XRRA1: variants seen among roughly 807,000 people sequenced by gnomAD.
XRRA1 encodes the protein X-ray radiation resistance associated 1, also known as X-ray radiation resistance-associated protein 1.
In XRRA1, 69 loss-of-function variants were observed where a neutral mutation model predicts 80.2. The ratio of observed to expected loss-of-function variants is 0.86; its 90% confidence interval spans 0.71 to 1.05. The LOEUF is 1.05. Among genes scored for constraint, XRRA1 ranks in the 50% least tolerant of loss-of-function variants. The probability of loss-of-function intolerance (pLI) is 0.00; values close to 1 mark genes in which losing one functional copy is unlikely to be tolerated. For synonymous variants in XRRA1, 348 were observed against 389.9 expected (o/e 0.89, Z 1.27); for missense variants, 967 against 976.4 (o/e 0.99, Z 0.13).
chr11:74,909,182 G>A (rs1246015066), intron 8 of XRRA1, among the ~76,000 whole-genome samples: 1 of 152,166 alleles, frequency 6.6e-6, no homozygotes, highest in East Asian at 1.9e-4. Flanking sequence ...AAGAGACCTG[G>A]CAGCACTGTA....
At chr11:74,844,922 C>T in intron 16 of XRRA1, 151 bp downstream of exon 16, 3 of 735,602 alleles carry the variant, frequency 4.1e-6, no homozygotes, top group Non-Finnish European at 6.7e-6. Flanking sequence ...ACAAAGGACA[C>T]CCTAAAAGGA....
At chr11:74,897,039 CA>C (rs2052488026) in intron 10 of XRRA1, among the ~76,000 whole-genome samples, 1 of 151,998 alleles carries the variant, frequency 6.6e-6, no homozygotes. Context: ...CACCAGGGAC[CA>C]ATCCTGGAGA....
intron 10 of XRRA1, chr11:74,876,966 G>T (rs2046178596): frequency 6.6e-6 from 1 of 152,114 alleles, no homozygotes. Context: ...GACTCCCAAA[G>T]GGAAATTCTT....
At chr11:74,858,842 A>G (rs185410620) in intron 12 of XRRA1, among the ~76,000 whole-genome samples, 29 of 152,286 alleles carry the variant, frequency 1.9e-4, no homozygotes, top group African/African-American at 6.3e-4. Flanking sequence ...TGATTTGTCC[A>G]TATCAGTCTT....
chr11:74,852,137 A>C (rs939295810), intron 12 of XRRA1, 55 bp from the exon 13 acceptor site: 20 of 1,421,448 alleles, frequency 1.4e-5, no homozygotes, highest in Non-Finnish European at 1.9e-5. Context: ...ACCTCTACCC[A>C]GGTATGTCTA....
chr11:74,921,920 G>C (rs1565410296), intron 7 of XRRA1, among the ~76,000 whole-genome samples: 1 of 152,142 alleles, frequency 6.6e-6, no homozygotes, highest in Non-Finnish European at 1.5e-5. Flanking sequence ...CTGTATCCTT[G>C]TAAGTTAGCA....
intron 10 of XRRA1, among the ~76,000 whole-genome samples, chr11:74,896,020 A>G (rs759451196): frequency 6.6e-6 from 1 of 152,224 alleles, no homozygotes; most frequent in Non-Finnish European, 1.5e-5. Flanking sequence ...AACCAGCAGC[A>G]ATACTGAGGG....
intron 10 of XRRA1, among the ~76,000 whole-genome samples, chr11:74,895,191 A>G (rs562212121): frequency 2.0e-5 from 3 of 152,354 alleles, no homozygotes; most frequent in South Asian, 2.1e-4. Flanking sequence ...TAAATCATCA[A>G]TGCCACTCCT....
rs1465409921 is a variant in XRRA1 at position 74,841,185 on chromosome 11, G to A, written c.*2015C>T. The A allele has an allele frequency of 6.6e-6, 1 of 152,140 alleles. No homozygotes were observed. Among genetic ancestry groups the A allele is most frequent in the African/African-American group, 2.4e-5 (1 of 41,424 alleles). The allele number at this position is 152,140 out of a possible 1,614,324, so 9.4% of individuals were successfully genotyped here. A position where few individuals can be genotyped will look rare whatever the true frequency, so the allele number is the denominator to read the frequency against. On this transcript the variant is annotated 3_prime_UTR_variant, in exon 19 of 19. Transcript: ENST00000684022. ...CTTTAAAAATTGGAAACTCATTATG[G>A]TCTTAAATTGTCCTCAGGCAGCCTT...
At chr11:74,872,731 C>A (rs1244925657) in intron 10 of XRRA1, among the ~76,000 whole-genome samples, 1 of 152,120 alleles carries the variant, frequency 6.6e-6, no homozygotes, top group Non-Finnish European at 1.5e-5. Context: ...GGGGTTCAGA[C>A]CCCTGGCTCC....
chr11:74,887,715 C>T (rs1018754701), intron 10 of XRRA1, among the ~76,000 whole-genome samples: 5 of 152,184 alleles, frequency 3.3e-5, no homozygotes, highest in African/African-American at 1.2e-4. Context: ...AATCGGGTCA[C>T]TCCCACCCTA....
chr11:74,940,759 G>C, intron 3 of XRRA1, 26 bp downstream of exon 3: 3 of 1,569,688 alleles, frequency 1.9e-6, no homozygotes, highest in Non-Finnish European at 2.6e-6. Context: ...ATGAGGAAAA[G>C]GTAGCTATTT....
At chr11:74,909,491 G>A (rs1402445493) in intron 8 of XRRA1, among the ~76,000 whole-genome samples, 5 of 152,012 alleles carry the variant, frequency 3.3e-5, no homozygotes, top group African/African-American at 1.2e-4. Flanking sequence ...GCTCTGTCTC[G>A]TCTCTTGTGA....
At chr11:74,876,690 TGA>T (rs997971541) in intron 10 of XRRA1, 5 of 151,984 alleles carry the variant, frequency 3.3e-5, no homozygotes, top group Non-Finnish European at 7.4e-5. Context: ...CCTGGAAACC[TGA>T]GAGAGAGAGC....
chr11:74,928,834 T>C (rs1942862320), intron 6 of XRRA1, among the ~76,000 whole-genome samples: 1 of 152,152 alleles, frequency 6.6e-6, no homozygotes, highest in African/African-American at 2.4e-5. Context: ...CTTTAAATTT[T>C]AAGAAACATT....
chr11:74,912,795 G>A (rs2056195095), intron 8 of XRRA1, among the ~76,000 whole-genome samples: 1 of 152,156 alleles, frequency 6.6e-6, no homozygotes, highest in African/African-American at 2.4e-5. Flanking sequence ...TGAACATTCA[G>A]TTCCTGTATC....
intron 3 of XRRA1, among the ~76,000 whole-genome samples, chr11:74,937,564 G>A (rs1945291236): frequency 6.6e-6 from 1 of 151,436 alleles, no homozygotes; most frequent in Non-Finnish European, 1.5e-5. Context: ...AAAAGATGGT[G>A]TTAGAAACTT....
intron 10 of XRRA1, among the ~76,000 whole-genome samples, chr11:74,871,967 A>G (rs1396860220): frequency 6.6e-6 from 1 of 152,244 alleles, no homozygotes; most frequent in Non-Finnish European, 1.5e-5. Context: ...GGAGACAAGC[A>G]GTATGTTTCT....
intron 8 of XRRA1, among the ~76,000 whole-genome samples, chr11:74,908,812 AAGAG>A (rs1198041427): frequency 6.6e-6 from 1 of 152,198 alleles, no homozygotes; most frequent in Non-Finnish European, 1.5e-5. Flanking sequence ...CAATGTGAAA[AAGAG>A]AGAACAGGGA....
Sources: allele counts gnomAD v4.1 joint callset (sites outside exome capture counted in the v4.1 genomes callset), GRCh38; gene constraint gnomAD v4.1.1; transcripts MANE v1.5; gene names NCBI Gene and HGNC (gene_info 2026-07-23, HGNC 2026-07-21).